The following ABCA12 variants were observed in gnomAD, a reference collection of about 807,000 sequenced individuals.
The protein encoded by ABCA12 is glucosylceramide transporter ABCA12.
In ABCA12, 156 loss-of-function variants were observed where a neutral mutation model predicts 293.5. The ratio of observed to expected loss-of-function variants is 0.53; its 90% CI spans 0.47 to 0.61. ABCA12 has a LOEUF of 0.61. ABCA12 is among the 20% of genes least tolerant of loss of function. ABCA12 has a pLI of 0.00. For synonymous variants in ABCA12, 1,063 were observed against 1,108.0 expected, an observed-to-expected ratio of 0.96 and a Z score of 0.81; for missense variants, 2,797 against 3,090.2, an observed-to-expected ratio of 0.91 and a Z score of 2.25.
At chr2:215,104,625 C>G (rs1178017042) in intron 2 of ABCA12, among the ~76,000 whole-genome samples, 2 of 152,188 alleles carry the variant, frequency 1.3e-5, no homozygotes, top group African/African-American at 4.8e-5. Context: ...TGTGAAGGGT[C>G]AGTAATGTTT....
chr2:215,020,432 A>G (rs1442137219), intron 11 of ABCA12, among the ~76,000 whole-genome samples: 1 of 152,190 alleles, frequency 6.6e-6, no homozygotes, highest in East Asian at 1.9e-4. Context: ...TGAAAGGTGA[A>G]TGGTCTAATA....
At chr2:215,115,374 G>A (rs1438069645) in intron 1 of ABCA12, among the ~76,000 whole-genome samples, 2 of 152,152 alleles carry the variant, frequency 1.3e-5, no homozygotes, top group African/African-American at 4.8e-5. Context: ...TTCTAAATAT[G>A]TTCATAAGCA....
chr2:214,940,149 G>A lies in ABCA12; in HGVS notation c.7437-2534C>T, dbSNP rs189212469. 3.6e-3 allele frequency among the ~76,000 whole-genome samples: 552 copies of A among 152,172 alleles called. 5 individuals carry two copies. The highest frequency in any genetic ancestry group is 0.013 in the African/African-American group (524 of 41,534). ...TTGAGATACAGTCCATCAATACCTG[G>A]TTTATTGAGAGTTTTTAGCATGAAG... On this transcript the variant is annotated intron_variant, in intron 50 of 52. Coordinates refer to ENST00000272895, the MANE Select transcript of ABCA12 (RefSeq NM_173076.3).
chr2:215,009,792 C>A (rs1700332563), intron 18 of ABCA12, among the ~76,000 whole-genome samples: 1 of 152,076 alleles, frequency 6.6e-6, no homozygotes, highest in African/African-American at 2.4e-5. Flanking sequence ...TTAAAGCCAA[C>A]TTTAAAGTGA....
intron 2 of ABCA12, among the ~76,000 whole-genome samples, chr2:215,068,465 A>G (rs1050318314): frequency 3.9e-5 from 6 of 152,160 alleles, no homozygotes; most frequent in African/African-American, 1.2e-4. Context: ...GAAACAGGCA[A>G]TAGGCTGGAA....
chr2:214,974,648 G>T, intron 35 of ABCA12, 130 bp downstream of exon 35: 1 of 872,294 alleles, frequency 1.1e-6, no homozygotes, highest in Non-Finnish European at 1.9e-6. Context: ...GACAAAATCT[G>T]TTAAACAGGG....
chr2:215,015,872 C>T (rs943122434), intron 14 of ABCA12, among the ~76,000 whole-genome samples: 6 of 151,960 alleles, frequency 3.9e-5, no homozygotes, highest in African/African-American at 7.2e-5. Context: ...AGGCCGGGCG[C>T]GGTGGCTCAC....
At chr2:215,071,915 A>G (rs1048009096) in intron 2 of ABCA12, among the ~76,000 whole-genome samples, 5 of 152,166 alleles carry the variant, frequency 3.3e-5, no homozygotes, top group African/African-American at 7.2e-5. Flanking sequence ...TACCTGTATC[A>G]ACCGCTGTAG....
At chr2:215,061,418 T>C (rs1350111388) in intron 3 of ABCA12, among the ~76,000 whole-genome samples, 2 of 152,012 alleles carry the variant, frequency 1.3e-5, no homozygotes, top group African/African-American at 2.4e-5. Flanking sequence ...CCTCTTTTGG[T>C]GAGACCAAAG....
rs946769645 is a variant in ABCA12, at chr2:215,112,049, T to C, written c.70-359A>G. On this transcript the variant is annotated intron_variant, in intron 1 of 52. Coordinates refer to ENST00000272895, the MANE Select transcript of ABCA12 (RefSeq NM_173076.3). ...CACTTCCCTATTGGATAAGACACAA[T>C]GTTCTAAACAGGCCATACAAAACCC... 2.0e-5 allele frequency among the ~76,000 whole-genome samples: 3 copies of C among 152,304 alleles called. No individual in the cohort carries two copies. The East Asian group carries it at 5.8e-4, about 29-fold the overall frequency.
At chr2:215,134,055 C>CA (rs1219189017) in intron 1 of ABCA12, among the ~76,000 whole-genome samples, 5 of 148,630 alleles carry the variant, frequency 3.4e-5, no homozygotes, top group African/African-American at 1.2e-4. Flanking sequence ...TCTTACTTTA[C>CA]AAAAAAAAAG....
At chr2:214,972,690 C>T (rs182319608) in intron 36 of ABCA12, among the ~76,000 whole-genome samples, 1 of 152,176 alleles carries the variant, frequency 6.6e-6, no homozygotes, top group East Asian at 1.9e-4. Flanking sequence ...GCATGAGCCA[C>T]TGCACCTGGC....
intron 50 of ABCA12, among the ~76,000 whole-genome samples, chr2:214,942,301 T>C (rs1442860745): frequency 6.6e-6 from 1 of 152,222 alleles, no homozygotes; most frequent in East Asian, 1.9e-4. Flanking sequence ...CTTATCTTGG[T>C]TAATGCTATC....
intron 28 of ABCA12, 101 bp from the exon 29 acceptor site, chr2:214,983,966 T>C: frequency 3.1e-6 from 3 of 967,906 alleles, no homozygotes; most frequent in Non-Finnish European, 4.7e-6. Flanking sequence ...ATACAGTGTA[T>C]CTTCTCAGTC....
intron 44 of ABCA12, 24 bp from the exon 45 acceptor site, chr2:214,951,107 A>G: frequency 1.3e-6 from 2 of 1,597,914 alleles, no homozygotes; most frequent in South Asian, 1.1e-5. Flanking sequence ...CAGTGATTTT[A>G]CGTCAATGAT....
chr2:215,033,186 T>A (rs1485724988), intron 8 of ABCA12, among the ~76,000 whole-genome samples: 1 of 152,224 alleles, frequency 6.6e-6, no homozygotes, highest in Non-Finnish European at 1.5e-5. Context: ...CAAGAATGAA[T>A]GGGATGCCCA....
chr2:214,979,638 C>T (rs1293130020), intron 31 of ABCA12, among the ~76,000 whole-genome samples: 1 of 151,980 alleles, frequency 6.6e-6, no homozygotes, highest in East Asian at 1.9e-4. Context: ...CCTCACACTC[C>T]ATCAGAATAT....
intron 3 of ABCA12, among the ~76,000 whole-genome samples, chr2:215,058,909 G>A (rs1233612982): frequency 6.6e-6 from 1 of 151,984 alleles, no homozygotes; most frequent in Non-Finnish European, 1.5e-5. Flanking sequence ...TTACGTTCAG[G>A]AAATGTCACA....
chr2:214,947,682 T>C, intron 47 of ABCA12, 126 bp from the exon 48 acceptor site: 1 of 1,027,584 alleles, frequency 9.7e-7, no homozygotes, highest in East Asian at 2.6e-5. Context: ...TGGAAAAAAA[T>C]GAAAACACTT....
Sources: allele counts gnomAD v4.1 joint callset (sites outside exome capture counted in the v4.1 genomes callset), GRCh38; gene constraint gnomAD v4.1.1; transcripts MANE v1.5; gene names NCBI Gene and HGNC (gene_info 2026-07-23, HGNC 2026-07-21).